NRF1: variants seen among roughly 807,000 people sequenced by gnomAD.
The protein encoded by NRF1 is alpha palindromic-binding protein.
In NRF1, 5 loss-of-function variants were observed where a neutral mutation model predicts 58.5. The observed-to-expected ratio is 0.09, with a 90% confidence interval of 0.04 to 0.18. The LOEUF (loss-of-function observed/expected upper bound fraction) is 0.18. NRF1 is among the 10% of genes least tolerant of loss of function. NRF1 has a pLI of 1.00. For missense variants in NRF1, 288 were observed against 657.7 expected (o/e 0.44, Z 6.15); for synonymous variants, 224 against 246.7 (o/e 0.91, Z 0.86).
intron 1 of NRF1, among the ~76,000 whole-genome samples, chr7:129,645,542 G>T (rs1801386207): frequency 6.6e-6 from 1 of 152,206 alleles, no homozygotes; most frequent in South Asian, 2.1e-4. Flanking sequence ...TACGCAGTCC[G>T]CTAGGGAGTT....
At chr7:129,751,824 G>A (rs945612031) in intron 10 of NRF1, among the ~76,000 whole-genome samples, 7 of 152,260 alleles carry the variant, frequency 4.6e-5, no homozygotes, top group African/African-American at 1.7e-4. Context: ...TTGCCACTGG[G>A]CATTTTGGGT....
intron 4 of NRF1, among the ~76,000 whole-genome samples, chr7:129,679,918 C>T (rs967980932): frequency 7.3e-5 from 11 of 151,452 alleles, no homozygotes; most frequent in South Asian, 2.1e-4. Flanking sequence ...ATTAGCCAGA[C>T]GTGGTGGCGG....
intron 5 of NRF1, among the ~76,000 whole-genome samples, chr7:129,694,492 G>A (rs1802641614): frequency 6.6e-6 from 1 of 152,094 alleles, no homozygotes; most frequent in Non-Finnish European, 1.5e-5. Context: ...AGCCTCCTGA[G>A]TAGCTGGGAC....
intron 4 of NRF1, among the ~76,000 whole-genome samples, chr7:129,688,790 G>A (rs772986584): frequency 3.9e-5 from 6 of 152,188 alleles, no homozygotes; most frequent in Non-Finnish European, 5.9e-5. Context: ...TCACTATCAC[G>A]AGAACAACAT....
At chr7:129,735,777 G>GGCAGATGGA (rs2116278568) in intron 10 of NRF1, among the ~76,000 whole-genome samples, 1 of 152,214 alleles carries the variant, frequency 6.6e-6, no homozygotes, top group Non-Finnish European at 1.5e-5. Context: ...GGGAGGCCGA[G>GGCAGATGGA]GCAGATGGAT....
At chr7:129,652,513 C>A (rs1021425623) in intron 1 of NRF1, among the ~76,000 whole-genome samples, 1 of 152,104 alleles carries the variant, frequency 6.6e-6, no homozygotes, top group East Asian at 1.9e-4. Flanking sequence ...AAATAATATA[C>A]AAGATTTTTA....
intron 1 of NRF1, among the ~76,000 whole-genome samples, chr7:129,637,043 A>G (rs770098859): frequency 6.6e-6 from 1 of 152,198 alleles, no homozygotes; most frequent in African/African-American, 2.4e-5. Context: ...TTAACAGGAG[A>G]GTAATCCTTG....
intron 1 of NRF1, 131 bp from the exon 2 acceptor site, chr7:129,657,215 G>T: frequency 1.6e-6 from 1 of 644,518 alleles, no homozygotes; most frequent in South Asian, 1.9e-5. Context: ...GTGACTTGGT[G>T]TGGCACGGTA....
chr7:129,693,150 A>C (rs1028613530), intron 5 of NRF1, among the ~76,000 whole-genome samples: 5 of 152,316 alleles, frequency 3.3e-5, no homozygotes, highest in South Asian at 2.1e-4. Flanking sequence ...TGTTCAGTAA[A>C]TGACTTCAGA....
At chr7:129,713,359 G>A (rs1358029719) in intron 8 of NRF1, among the ~76,000 whole-genome samples, 1 of 152,110 alleles carries the variant, frequency 6.6e-6, no homozygotes, top group Non-Finnish European at 1.5e-5. Context: ...AAAGTGCTAG[G>A]ATGATATATA....
chr7:129,682,938 A>AT (rs1197890102), intron 4 of NRF1, among the ~76,000 whole-genome samples: 186 of 150,694 alleles, frequency 1.2e-3, no homozygotes, highest in African/African-American at 3.4e-3. Context: ...GCCTCAAATA[A>AT]TTTTTTTTTT....
chr7:129,737,323 C>A (rs1340459517), intron 10 of NRF1, among the ~76,000 whole-genome samples: 2 of 152,194 alleles, frequency 1.3e-5, no homozygotes, highest in East Asian at 3.9e-4. Context: ...GGCTGCTGTT[C>A]TCTTCTGCAC....
intron 5 of NRF1, among the ~76,000 whole-genome samples, chr7:129,702,936 G>A (rs1215772928): frequency 6.6e-6 from 1 of 152,204 alleles, no homozygotes; most frequent in Non-Finnish European, 1.5e-5. Context: ...GAGGGAACAA[G>A]AGGAGAGGGT....
rs1400667658 is a variant in NRF1, at chr7:129,755,742, C to A, written c.*561C>A. On this transcript the variant is annotated 3_prime_UTR_variant, in exon 11 of 11. Transcript: ENST00000393232. This position sits in a 1 kb window ranked among gnomAD's most constrained non-coding sequence, Gnocchi z 5.8. ...CAGGCGGAGGTGACCATGCCCTTCACCAAAGCTGCCTCCCAGTGGCCACAC... is the reference window on the plus strand; with the variant it reads ...CAGGCGGAGGTGACCATGCCCTTCAACAAAGCTGCCTCCCAGTGGCCACAC... 1 of 152,816 alleles carries A rather than the reference C, an allele frequency of 6.5e-6. No individual in the cohort carries two copies. Among genetic ancestry groups the A allele is most frequent in the Non-Finnish European group, 1.5e-5 (1 of 68,180 alleles). The allele number at this position is 152,816 out of a possible 1,614,324, so 9.5% of individuals were successfully genotyped here.
chr7:129,643,160 T>C (rs965826856), intron 1 of NRF1, among the ~76,000 whole-genome samples: 6 of 152,324 alleles, frequency 3.9e-5, no homozygotes, highest in Middle Eastern at 3.4e-3. Context: ...TTAAATACTT[T>C]CATAATTTTA....
intron 1 of NRF1, among the ~76,000 whole-genome samples, chr7:129,656,356 AAGAC>A (rs1461570154): frequency 2.0e-5 from 3 of 152,152 alleles, no homozygotes; most frequent in South Asian, 2.1e-4. Context: ...TAATATGAAA[AAGAC>A]AGACAATATG....
At chr7:129,724,943 A>G (rs1218772836) in intron 9 of NRF1, among the ~76,000 whole-genome samples, 1 of 152,210 alleles carries the variant, frequency 6.6e-6, no homozygotes, top group Non-Finnish European at 1.5e-5. Flanking sequence ...ACAAAGGCAC[A>G]CACACCTATA....
chr7:129,658,697 G>A (rs781346625), intron 2 of NRF1, among the ~76,000 whole-genome samples: 2 of 151,580 alleles, frequency 1.3e-5, no homozygotes, highest in African/African-American at 4.8e-5. Context: ...CATTTCATGC[G>A]CCCATCCTAT....
At chr7:129,630,651 C>T (rs1372422920) in intron 1 of NRF1, among the ~76,000 whole-genome samples, 7 of 152,096 alleles carry the variant, frequency 4.6e-5, no homozygotes, top group Non-Finnish European at 7.4e-5. Context: ...AGGCATAGTC[C>T]GAGGAAACCT....
Sources: allele counts gnomAD v4.1 joint callset (sites outside exome capture counted in the v4.1 genomes callset), GRCh38; gene constraint gnomAD v4.1.1; non-coding constraint Gnocchi (gnomAD v3.1); transcripts MANE v1.5; gene names NCBI Gene and HGNC (gene_info 2026-07-23, HGNC 2026-07-21).